Variants in SLC26A5 observed in about 807,000 individuals in gnomAD.
SLC26A5 encodes solute carrier family 26 member 5, also known as prestin.
In SLC26A5, 51 loss-of-function variants were observed where a neutral mutation model predicts 81.0. The observed-to-expected ratio is 0.63, with a 90% CI of 0.50 to 0.80. The LOEUF (loss-of-function observed/expected upper bound fraction) is 0.80. SLC26A5 is among the 30% of genes least tolerant of loss of function. The pLI is 0.00. For synonymous variants in SLC26A5, 325 were observed against 332.8 expected (o/e 0.98, Z 0.25); for missense variants, 771 against 905.8 (o/e 0.85, Z 1.91).
At chr7:103,374,704 TC>T in intron 19 of SLC26A5, 112 bp from the exon 20 acceptor site, 1 of 1,113,444 alleles carries the variant, frequency 9.0e-7, no homozygotes, top group Non-Finnish European at 1.3e-6. Flanking sequence ...GTTTTTTGTT[TC>T]TTTTTTTTTT....
chr7:103,377,481 T>C, intron 18 of SLC26A5, 118 bp downstream of exon 18: 1 of 964,910 alleles, frequency 1.0e-6, no homozygotes, highest in Non-Finnish European at 1.6e-6. Context: ...AAATTTTCCA[T>C]AATCAAAAGG....
chr7:103,374,687 TGTTA>T, intron 19 of SLC26A5, 95 bp from the exon 20 acceptor site: 6 of 1,231,434 alleles, frequency 4.9e-6, no homozygotes, highest in Non-Finnish European at 6.8e-6. Context: ...TTTTTTTTTT[TGTTA>T]TTGTTTTTTG....
At chr7:103,434,968 A>C (rs2116831556) in intron 2 of SLC26A5, 1 of 152,322 alleles carries the variant, frequency 6.6e-6, no homozygotes, top group Non-Finnish European at 1.5e-5. Flanking sequence ...GAGATTTAAA[A>C]ATCATTATTG....
intron 14 of SLC26A5, 149 bp from the exon 15 acceptor site, chr7:103,380,698 A>G (rs1821706339): frequency 1.4e-6 from 1 of 711,996 alleles, no homozygotes; most frequent in African/African-American, 1.7e-5. Flanking sequence ...AGGGCTCCAC[A>G]CATATCACGT....
At chr7:103,407,745 C>T in intron 8 of SLC26A5, 106 bp downstream of exon 8, 2 of 1,299,732 alleles carry the variant, frequency 1.5e-6, no homozygotes, top group Non-Finnish European at 2.1e-6. Flanking sequence ...CTTCTTTTGG[C>T]AGAATTGAGA....
At chr7:103,438,015 C>T (rs1429103682) in intron 2 of SLC26A5, among the ~76,000 whole-genome samples, 1 of 152,092 alleles carries the variant, frequency 6.6e-6, no homozygotes, top group Non-Finnish European at 1.5e-5. Flanking sequence ...CTAGAATAGG[C>T]AAAACTAATC....
intron 19 of SLC26A5, chr7:103,362,413 C>A: frequency 1.5e-6 from 2 of 1,345,992 alleles, no homozygotes; most frequent in Non-Finnish European, 1.9e-6. Flanking sequence ...GTGTTAATGT[C>A]TATAGAATAC....
intron 2 of SLC26A5, among the ~76,000 whole-genome samples, chr7:103,429,667 G>A (rs1177040624): frequency 2.0e-5 from 3 of 152,132 alleles, no homozygotes; most frequent in Admixed American, 1.3e-4. Context: ...AATTATAGTG[G>A]CTCAATATGT....
intron 9 of SLC26A5, among the ~76,000 whole-genome samples, chr7:103,395,135 A>G (rs939293930): frequency 1.3e-5 from 2 of 152,152 alleles, no homozygotes; most frequent in Non-Finnish European, 2.9e-5. Context: ...AACCTACACT[A>G]AAGAATTATG....
At chr7:103,403,030 T>C (rs918173061) in intron 8 of SLC26A5, among the ~76,000 whole-genome samples, 1 of 152,252 alleles carries the variant, frequency 6.6e-6, no homozygotes, top group Non-Finnish European at 1.5e-5. Flanking sequence ...AATTTCCCTC[T>C]AAACACTGTT....
Position 103,367,964 on chromosome 7 carries a change from T to C in SLC26A5, c.2041+8844A>G. On this transcript the variant is annotated intron_variant, in intron 19 of 19. Transcript: ENST00000339444. The surrounding 1 kb of genome is among the most constrained non-coding windows in gnomAD (Gnocchi z 6.1). ...CCATCAGAGCACGGCGAAAAATTGC[T>C]ACCGAGAAGGATTTCTTGGAAGCTG... 1.2e-6 allele frequency: 2 copies of C among 1,614,140 alleles called. No individual in the cohort carries two copies. The highest frequency in any genetic ancestry group is 1.7e-6 in the Non-Finnish European group (2 of 1,180,018).
chr7:103,385,210 G>A (rs957164338), intron 14 of SLC26A5, among the ~76,000 whole-genome samples: 5 of 151,968 alleles, frequency 3.3e-5, no homozygotes, highest in Non-Finnish European at 7.4e-5. Context: ...CGCCTGGGCT[G>A]GAGTGCAGTG....
At chr7:103,392,879 T>C (rs758804577) in intron 10 of SLC26A5, 40 bp downstream of exon 10, 4 of 1,613,006 alleles carry the variant, frequency 2.5e-6, no homozygotes, top group South Asian at 1.1e-5. Context: ...TTGGTGATTG[T>C]ACTGCTATGA....
intron 12 of SLC26A5, 130 bp downstream of exon 12, chr7:103,390,299 G>T: frequency 2.3e-6 from 2 of 859,884 alleles, no homozygotes; most frequent in Non-Finnish European, 3.9e-6. Flanking sequence ...TCCTAGCCTT[G>T]GCCCTTTCTC....
At chr7:103,399,365 C>A (rs1451272216) in intron 8 of SLC26A5, among the ~76,000 whole-genome samples, 1 of 152,152 alleles carries the variant, frequency 6.6e-6, no homozygotes, top group Non-Finnish European at 1.5e-5. Flanking sequence ...CTGTGCCTAG[C>A]CCCAGTGAGA....
intron 14 of SLC26A5, among the ~76,000 whole-genome samples, chr7:103,384,343 T>C (rs1822022536): frequency 6.6e-6 from 1 of 151,898 alleles, no homozygotes; most frequent in Non-Finnish European, 1.5e-5. Flanking sequence ...CTGGGCGCGG[T>C]GGCTCATGCC....
rs1252713616 is a variant in SLC26A5 at position 103,391,655 on chromosome 7, G to A, written c.1200C>T (p.Ser400=). 1.2e-6 allele frequency: 2 copies of A among 1,614,132 alleles called. No individual in the cohort carries two copies. The highest frequency in any genetic ancestry group is 2.7e-5 in the African/African-American group (2 of 75,038). Residue 400 remains serine (S), a synonymous_variant, in exon 11 of 20, where the codon AGC becomes AGT. Coordinates refer to ENST00000306312, the MANE Select transcript of SLC26A5 (RefSeq NM_198999.3). The stretch of plus-strand genomic sequence containing the variant: ...TCCCACCGGTTCCCTCCTGAACAAG[G>A]CTTCGAGACAAGGAGCATGAAATTG... ...TFSISCSLSR[S]LVQEGTGGKT...
intron 14 of SLC26A5, among the ~76,000 whole-genome samples, chr7:103,386,231 C>A (rs1417608841): frequency 6.7e-6 from 1 of 150,012 alleles, no homozygotes; most frequent in Admixed American, 6.6e-5. Flanking sequence ...GCACCCAGCA[C>A]AAACTGGAGC....
Position 103,410,568 on chromosome 7 carries a change from A to G in SLC26A5, c.571-19T>C, listed in dbSNP as rs753173587. 1.1e-5 allele frequency: 18 copies of G among 1,592,028 alleles called. No homozygotes were observed. The highest frequency in any genetic ancestry group is 1.4e-5 in the Non-Finnish European group (16 of 1,167,396). ...GGCAAAACTATTTTTTTTTAATGAC[A>G]AAGAAACAAATGAATCACATGATAG... On this transcript the variant is annotated intron_variant, in intron 6 of 19. Coordinates refer to ENST00000306312, the MANE Select transcript of SLC26A5 (RefSeq NM_198999.3).
Sources: gnomAD v4.1 joint callset for allele counts (sites outside exome capture counted in the v4.1 genomes callset) on GRCh38, gnomAD v4.1.1 for gene constraint, Gnocchi (gnomAD v3.1) non-coding constraint, MANE v1.5 for transcripts, NCBI Gene and HGNC (gene_info 2026-07-23, HGNC 2026-07-21) for gene names.